The following NAP1L1 variants were observed in gnomAD, a reference collection of about 807,000 sequenced individuals.
The protein encoded by NAP1L1 is nucleosome assembly protein 1-like 1.
In NAP1L1, 9 loss-of-function variants were observed where a neutral mutation model predicts 58.9. That is an observed-to-expected ratio of 0.15 (90% CI 0.09 to 0.27). NAP1L1 has a LOEUF of 0.27. NAP1L1 is among the 10% of genes least tolerant of loss of function. NAP1L1 has a pLI of 1.00. For missense variants in NAP1L1, 302 were observed against 458.8 expected, an observed-to-expected ratio of 0.66 and a Z score of 3.12; for synonymous variants, 130 against 138.3, an observed-to-expected ratio of 0.94 and a Z score of 0.42.
At chr12:76,052,947 T>C in intron 11 of NAP1L1, 144 bp downstream of exon 11, 1 of 630,576 alleles carries the variant, frequency 1.6e-6, no homozygotes. Context: ...AATGGAATTA[T>C]TTTTCATATC....
intron 1 of NAP1L1, among the ~76,000 whole-genome samples, chr12:76,082,339 A>G (rs1950439282): frequency 6.6e-6 from 1 of 152,194 alleles, no homozygotes; most frequent in African/African-American, 2.4e-5. Flanking sequence ...ATTTTGGATT[A>G]CATTAGTTAT....
At chr12:76,068,806 G>T in intron 3 of NAP1L1, 103 bp downstream of exon 3, 10 of 681,448 alleles carry the variant, frequency 1.5e-5, no homozygotes, top group East Asian at 2.8e-5. Flanking sequence ...TAGATAAATG[G>T]GACAATGAGC....
chr12:76,038,424 G>A lies in NAP1L1; in HGVS notation c.*10005C>T, dbSNP rs1948518762. On this transcript the variant is annotated 3_prime_UTR_variant, in exon 15 of 15. Transcript: ENST00000618691. ...CATTGCCACAAAACACACAGCCTGA[G>A]GACATAGGCTGTTCAATTTGATCAC... 1 of 152,074 alleles carries A rather than the reference G, an allele frequency of 6.6e-6. No individual in the cohort carries two copies. Among genetic ancestry groups the A allele is most frequent in the Non-Finnish European group, 1.5e-5 (1 of 68,006 alleles). 9.4% of individuals were successfully genotyped at this position (152,074 alleles called of 1,614,324 possible).
intron 6 of NAP1L1, among the ~76,000 whole-genome samples, chr12:76,058,693 TTC>T (rs1161162540): frequency 2.0e-5 from 3 of 152,164 alleles, no homozygotes; most frequent in Admixed American, 6.5e-5. Flanking sequence ...GCCTTTCTCT[TTC>T]TCTCTTTTTA....
Position 76,041,523 on chromosome 12 carries a change from G to A in NAP1L1, c.*6906C>T, listed in dbSNP as rs113342200. 10 of 152,304 alleles carry A rather than the reference G, an allele frequency of 6.6e-5. No homozygotes were observed. The highest frequency in any genetic ancestry group is 1.9e-4 in the East Asian group (1 of 5,184). 9.4% of individuals were successfully genotyped at this position (152,304 alleles called of 1,614,324 possible). On this transcript the variant is annotated 3_prime_UTR_variant, in exon 15 of 15. Transcript: ENST00000618691. ...GTGGGCTATTCATCTCCAAGTTGCC[G>A]TGAAGTGGCTAAGTCCACTCACCAA...
chr12:76,057,990 TCCTGTGGTG>T, intron 6 of NAP1L1: 1 of 858,040 alleles, frequency 1.2e-6, no homozygotes. Context: ...TCAAAAATTC[TCCTGTGGTG>T]CCTCAGTAAC....
chr12:76,037,153 T>C lies in NAP1L1; in HGVS notation c.*11276A>G, dbSNP rs1263014197. 6.6e-6 allele frequency: 1 copy of C among 152,236 alleles called. No individual in the cohort carries two copies. Among genetic ancestry groups the C allele is most frequent in the Non-Finnish European group, 1.5e-5 (1 of 68,048 alleles). 9.4% of individuals were successfully genotyped at this position (152,236 alleles called of 1,614,324 possible). A position where few individuals can be genotyped will look rare whatever the true frequency, so the allele number is the denominator to read the frequency against. On this transcript the variant is annotated 3_prime_UTR_variant, in exon 15 of 15. Transcript: ENST00000618691. ...CCTTATTTCATCTTTGAAGTACTAT[T>C]CAGAAGAAATATTCTAGATTCTAGT...
chr12:76,067,476 T>TA lies in NAP1L1; in HGVS notation c.104-4_104-3insT. On this transcript the variant is annotated splice_polypyrimidine_tract_variant and splice_region_variant and intron_variant, in intron 3 of 14. Coordinates refer to ENST00000618691, the MANE Select transcript of NAP1L1 (RefSeq NM_004537.7). ...CATCTGAACAGTTAGCTGACGTGCTTTAAAAAAAAAAGGGCATCGAAAGAA... is the reference window on the plus strand; with the variant it reads ...CATCTGAACAGTTAGCTGACGTGCTTATAAAAAAAAAAGGGCATCGAAAGAA... 46 of 1,555,888 alleles carry TA rather than the reference T, an allele frequency of 3.0e-5. No individual in the cohort carries two copies. Among genetic ancestry groups the TA allele is most frequent in the South Asian group, 6.8e-5 (6 of 87,796 alleles).
chr12:76,072,165 ATT>A (rs1949979493), intron 2 of NAP1L1, among the ~76,000 whole-genome samples: 1 of 150,522 alleles, frequency 6.6e-6, no homozygotes, highest in Non-Finnish European at 1.5e-5. Flanking sequence ...ATTGATTTAT[ATT>A]TGAGGAAAGC....
intron 2 of NAP1L1, among the ~76,000 whole-genome samples, chr12:76,073,321 C>T (rs1199487152): frequency 6.6e-6 from 1 of 152,098 alleles, no homozygotes. Context: ...CCCAAGTGCT[C>T]TATTTTAACA....
In NAP1L1 at chr12:76,067,487, A is replaced by AG. The variant is rs397839983; in HGVS notation, c.104-15dup. The AG allele has an allele frequency of 1.2e-5, 19 of 1,554,840 alleles. No individual in the cohort carries two copies. Among genetic ancestry groups the AG allele is most frequent in the Middle Eastern group, 3.4e-4 (2 of 5,890 alleles). On this transcript the variant is annotated splice_polypyrimidine_tract_variant and intron_variant, in intron 3 of 14. Coordinates refer to ENST00000618691, the MANE Select transcript of NAP1L1 (RefSeq NM_004537.7). ...TTAGCTGACGTGCTTTAAAAAAAAA[A>AG]GGGCATCGAAAGAAGGATTTTATGA...
At chr12:76,072,073 T>C (rs1272857503) in intron 2 of NAP1L1, among the ~76,000 whole-genome samples, 1 of 151,144 alleles carries the variant, frequency 6.6e-6, no homozygotes, top group African/African-American at 2.4e-5. Flanking sequence ...GCTCAAATTT[T>C]CCAATCAATT....
intron 9 of NAP1L1, 113 bp downstream of exon 9, chr12:76,053,656 CA>C: frequency 7.9e-7 from 1 of 1,273,378 alleles, no homozygotes; most frequent in Non-Finnish European, 1.1e-6. Context: ...AACATATTAC[CA>C]AAATGTTCAG....
At chr12:76,058,535 C>T (rs1419092894) in intron 6 of NAP1L1, among the ~76,000 whole-genome samples, 3 of 151,708 alleles carry the variant, frequency 2.0e-5, no homozygotes, top group South Asian at 4.2e-4. Flanking sequence ...TAGAGGCACC[C>T]GCCTCCACAC....
chr12:76,053,988 T>C, intron 8 of NAP1L1, 79 bp from the exon 9 acceptor site: 1 of 1,381,854 alleles, frequency 7.2e-7, no homozygotes, highest in Non-Finnish European at 9.8e-7. Flanking sequence ...GCTTCATCTG[T>C]TTTTATAAAT....
chr12:76,078,965 C>T (rs920056398), intron 1 of NAP1L1, among the ~76,000 whole-genome samples: 9 of 151,286 alleles, frequency 5.9e-5, no homozygotes, highest in Admixed American at 2.0e-4. Context: ...CAAATCAAAA[C>T]CATAAAATAA....
chr12:76,073,867 G>A (rs550657285), intron 2 of NAP1L1: 1 of 213,932 alleles, frequency 4.7e-6, no homozygotes. Context: ...TGGGTGTTTG[G>A]TACATTACAA....
intron 11 of NAP1L1, among the ~76,000 whole-genome samples, chr12:76,052,512 T>C (rs780998490): frequency 1.3e-5 from 2 of 152,210 alleles, no homozygotes; most frequent in Admixed American, 1.3e-4. Flanking sequence ...TCTAATTCCA[T>C]ATATGTACAA....
At chr12:76,058,813 A>G (rs1348876392) in intron 6 of NAP1L1, among the ~76,000 whole-genome samples, 3 of 152,208 alleles carry the variant, frequency 2.0e-5, no homozygotes, top group Non-Finnish European at 4.4e-5. Flanking sequence ...TTCCTCACCA[A>G]TAATATGTCT....
Sources: allele counts gnomAD v4.1 joint callset (sites outside exome capture counted in the v4.1 genomes callset), GRCh38; gene constraint gnomAD v4.1.1; transcripts MANE v1.5; gene names NCBI Gene and HGNC (gene_info 2026-07-23, HGNC 2026-07-21).